The following ETFA variants were observed in gnomAD, a reference collection of about 807,000 sequenced individuals.
ETFA encodes the protein electron transfer flavoprotein subunit alpha.
A neutral mutation model predicts 46.2 loss-of-function variants in ETFA; 22 were observed. The ratio of observed to expected loss-of-function variants is 0.48; its 90% CI spans 0.34 to 0.68. The LOEUF (loss-of-function observed/expected upper bound fraction) is 0.68. Ranked by LOEUF, ETFA falls within the 30% of genes least tolerant of loss-of-function variation. ETFA has a pLI of 0.01. For missense variants in ETFA, 345 were observed against 401.1 expected, an observed-to-expected ratio of 0.86 and a Z score of 1.19; for synonymous variants, 131 against 139.9, an observed-to-expected ratio of 0.94 and a Z score of 0.45.
chr15:76,298,594 T>G (rs1050473528), intron 1 of ETFA, among the ~76,000 whole-genome samples: 7 of 152,180 alleles, frequency 4.6e-5, no homozygotes, highest in African/African-American at 1.7e-4. Context: ...ACTTCACAGA[T>G]GAGGAAACTG....
At chr15:76,244,307 A>G (rs1018110844) in intron 9 of ETFA, among the ~76,000 whole-genome samples, 1 of 152,252 alleles carries the variant, frequency 6.6e-6, no homozygotes, top group Non-Finnish European at 1.5e-5. Flanking sequence ...TAATATGGAA[A>G]ATAGTAATGC....
intron 11 of ETFA, among the ~76,000 whole-genome samples, chr15:76,223,216 CTTTTTTTT>C (rs3065601): frequency 8.2e-6 from 1 of 122,022 alleles, no homozygotes; most frequent in African/African-American, 3.0e-5. Context: ...TACTTCAGAA[CTTTTTTTT>C]TTTTTTTTTT....
At chr15:76,280,222 T>A (rs961613658) in intron 8 of ETFA, among the ~76,000 whole-genome samples, 11 of 152,142 alleles carry the variant, frequency 7.2e-5, no homozygotes, top group African/African-American at 2.7e-4. Context: ...AACTGACATG[T>A]CTACTCAGAT....
chr15:76,283,350 C>T (rs963802488), intron 8 of ETFA, among the ~76,000 whole-genome samples: 1 of 152,056 alleles, frequency 6.6e-6, no homozygotes, highest in African/African-American at 2.4e-5. Context: ...CACCAATATG[C>T]CTGGCTAATT....
intron 9 of ETFA, among the ~76,000 whole-genome samples, chr15:76,241,563 G>A (rs1163578468): frequency 6.6e-6 from 1 of 151,972 alleles, no homozygotes; most frequent in African/African-American, 2.4e-5. Context: ...CACTTTGGGA[G>A]GCTGAGGCAG....
At chr15:76,303,600 G>A (rs2039904554) in intron 1 of ETFA, among the ~76,000 whole-genome samples, 1 of 152,002 alleles carries the variant, frequency 6.6e-6, no homozygotes, top group South Asian at 2.1e-4. Flanking sequence ...GAATCTATAA[G>A]GAACTTAAAT....
intron 9 of ETFA, among the ~76,000 whole-genome samples, chr15:76,255,688 A>G (rs1460999504): frequency 6.6e-6 from 1 of 152,248 alleles, no homozygotes; most frequent in Non-Finnish European, 1.5e-5. Flanking sequence ...TCACTGAAGA[A>G]TATTTTTACA....
chr15:76,263,720 T>A (rs2039442605), intron 9 of ETFA, among the ~76,000 whole-genome samples: 1 of 152,108 alleles, frequency 6.6e-6, no homozygotes, highest in Non-Finnish European at 1.5e-5. Flanking sequence ...TGGGCACTAA[T>A]AAAGGTAGCT....
At chr15:76,309,739 T>C (rs1027280153) in intron 1 of ETFA, among the ~76,000 whole-genome samples, 10 of 152,186 alleles carry the variant, frequency 6.6e-5, no homozygotes, top group Admixed American at 1.3e-4. Flanking sequence ...AACTGCTGCA[T>C]AGAGCAGCAT....
At chr15:76,243,583 G>A (rs1274196875) in intron 9 of ETFA, among the ~76,000 whole-genome samples, 2 of 151,964 alleles carry the variant, frequency 1.3e-5, no homozygotes, top group East Asian at 1.9e-4. Context: ...GGATCACAAC[G>A]AGGTCAGGAG....
At chr15:76,241,329 C>T (rs2039185579) in intron 9 of ETFA, among the ~76,000 whole-genome samples, 1 of 151,816 alleles carries the variant, frequency 6.6e-6, no homozygotes, top group Admixed American at 6.6e-5. Context: ...AGCAAGACCC[C>T]ATCTCTACAA....
rs1368500620 is a variant in ETFA at position 76,287,902 on chromosome 15, A to C, written c.395T>G (p.Ile132Ser). The part of the protein sequence containing the change: ...RVAAKLEVAP[I>S]SDIIAIKSPD... ...TGACTTGATTGCAATGATGTCAGAAATCGGGGCAACCTCAAGTTTGGCTGC... is the reference window on the plus strand; with the variant it reads ...TGACTTGATTGCAATGATGTCAGAACTCGGGGCAACCTCAAGTTTGGCTGC... Residue 132 changes from isoleucine (I) to serine (S), a missense_variant, in exon 5 of 12, where the codon ATT (isoleucine) becomes AGT (serine). Physicochemically the swap from Ile to Ser is moderately radical, Grantham distance 142 (BLOSUM62 -2). Transcript: ENST00000557943. The C allele has an allele frequency of 6.2e-7, 1 of 1,614,116 alleles. No homozygotes were observed. Among genetic ancestry groups the C allele is most frequent in the Non-Finnish European group, 8.5e-7 (1 of 1,179,964 alleles).
intron 9 of ETFA, among the ~76,000 whole-genome samples, chr15:76,271,749 C>A (rs530638574): frequency 6.6e-6 from 1 of 152,286 alleles, no homozygotes; most frequent in Non-Finnish European, 1.5e-5. Flanking sequence ...GCAACTTACT[C>A]AAATGGCCCA....
At position 76,216,556 on chromosome 15, in the gene ETFA, G is replaced by C. The variant is rs1402298665; in HGVS notation, c.*3C>G. The C allele has an allele frequency of 6.4e-7, 1 of 1,565,002 alleles. No homozygotes were observed. Among genetic ancestry groups the C allele is most frequent in the South Asian group, 1.1e-5 (1 of 89,968 alleles). On this transcript the variant is annotated 3_prime_UTR_variant, in exon 12 of 12. Coordinates refer to ENST00000557943, the MANE Select transcript of ETFA (RefSeq NM_000126.4). ...AGTTTTCTTTTTAAGGCATGATCCTGATTCATTTTTTCTTCAATATCTCAG... is the reference window on the plus strand; with the variant it reads ...AGTTTTCTTTTTAAGGCATGATCCTCATTCATTTTTTCTTCAATATCTCAG...
At chr15:76,273,530 G>C (rs2039561001) in intron 9 of ETFA, among the ~76,000 whole-genome samples, 1 of 151,758 alleles carries the variant, frequency 6.6e-6, no homozygotes, top group African/African-American at 2.4e-5. Context: ...ACTCCAGCCT[G>C]GGTGACAGAG....
chr15:76,267,010 C>G (rs1349531344), intron 9 of ETFA, among the ~76,000 whole-genome samples: 1 of 152,184 alleles, frequency 6.6e-6, no homozygotes. Flanking sequence ...GGCATGCCTA[C>G]CTATACTATG....
intron 8 of ETFA, among the ~76,000 whole-genome samples, chr15:76,280,471 C>T (rs1811859797): frequency 6.6e-6 from 1 of 152,148 alleles, no homozygotes; most frequent in Non-Finnish European, 1.5e-5. Flanking sequence ...ACTGCAACTA[C>T]CCTGGTCCAA....
rs2038890504 is a variant in ETFA, at chr15:76,215,702, A to T, written c.*857T>A. The stretch of plus-strand genomic sequence containing the variant: ...CAGCTGTGCCCTGGGCAGCAGAATG[A>T]GAGTGCCAGAGGTGACTACACAGGC... On this transcript the variant is annotated 3_prime_UTR_variant, in exon 12 of 12. Transcript: ENST00000557943. The T allele has an allele frequency of 6.6e-6, 1 of 152,184 alleles. No individual in the cohort carries two copies. Among genetic ancestry groups the T allele is most frequent in the East Asian group, 1.9e-4 (1 of 5,178 alleles). 9.4% of individuals were successfully genotyped at this position (152,184 alleles called of 1,614,324 possible). A position where few individuals can be genotyped will look rare whatever the true frequency, so the allele number is the denominator to read the frequency against.
chr15:76,233,392 C>T (rs1385616675), intron 9 of ETFA, among the ~76,000 whole-genome samples: 4 of 138,466 alleles, frequency 2.9e-5, no homozygotes, highest in African/African-American at 1.1e-4. Flanking sequence ...TGCAATGGCA[C>T]AGTCTTGGCT....
Sources: allele counts gnomAD v4.1 joint callset (sites outside exome capture counted in the v4.1 genomes callset), GRCh38; gene constraint gnomAD v4.1.1; transcripts MANE v1.5; gene names NCBI Gene and HGNC (gene_info 2026-07-23, HGNC 2026-07-21).